Variants in CNTN4 observed in about 807,000 individuals in gnomAD.
CNTN4 encodes the protein contactin 4.
A neutral mutation model predicts 122.5 loss-of-function variants in CNTN4; 77 were observed. The observed-to-expected ratio is 0.63, with a 90% confidence interval of 0.52 to 0.76. CNTN4 has a LOEUF of 0.76. CNTN4 is among the 30% of genes least tolerant of loss of function. The probability of loss-of-function intolerance (pLI) is 0.00; values close to 1 mark genes in which losing one functional copy is unlikely to be tolerated. For missense variants in CNTN4, 1,256 were observed against 1,259.1 expected (o/e 1.00, Z 0.04); for synonymous variants, 512 against 447.0 (o/e 1.15, Z -1.83).
intron 4 of CNTN4, among the ~76,000 whole-genome samples, chr3:2,717,938 G>C (rs10084764): frequency 1.3e-5 from 2 of 151,852 alleles, no homozygotes; most frequent in Non-Finnish European, 2.9e-5. Context: ...CTTTTCATGT[G>C]TTTATTGACC....
chr3:2,276,180 TA>T (rs111941098), intron 2 of CNTN4, among the ~76,000 whole-genome samples: 4,361 of 152,074 alleles, frequency 0.029, 207 homozygotes, highest in African/African-American at 0.099. Flanking sequence ...TTATTTTTAT[TA>T]TTTTTTTTTG....
intron 3 of CNTN4, among the ~76,000 whole-genome samples, chr3:2,478,455 G>C (rs2075892805): frequency 6.9e-6 from 1 of 145,124 alleles, no homozygotes; most frequent in Non-Finnish European, 1.5e-5. Context: ...AGAGGTACAT[G>C]TGTGGGATGT....
chr3:2,290,379 A>G lies in CNTN4; in HGVS notation c.-144-48799A>G, dbSNP rs184144341. ...AATAACACTGCACTAATTGTGTTTT[A>G]TGGAATTGACATTGGAACATTCATA... On this transcript the variant is annotated intron_variant, in intron 2 of 24. Coordinates refer to ENST00000418658, the MANE Select transcript of CNTN4 (RefSeq NM_175607.3). 3.3e-5 allele frequency among the ~76,000 whole-genome samples: 5 copies of G among 152,274 alleles called. No homozygotes were observed. The East Asian group carries it at 9.7e-4, about 29-fold the overall frequency.
chr3:2,932,141 G>A (rs1047397718), intron 13 of CNTN4, among the ~76,000 whole-genome samples: 5 of 152,238 alleles, frequency 3.3e-5, no homozygotes, highest in Admixed American at 1.3e-4. Flanking sequence ...ACTTTGGGAC[G>A]TCGAGGCAGG....
At chr3:2,730,825 C>T (rs368149600) in intron 4 of CNTN4, among the ~76,000 whole-genome samples, 7 of 152,194 alleles carry the variant, frequency 4.6e-5, no homozygotes, top group African/African-American at 1.4e-4. Context: ...TTCAGATTCT[C>T]TTGCCCAGCC....
chr3:2,835,811 G>A lies in CNTN4; in HGVS notation c.454+16230G>A, dbSNP rs1480984942. Among the ~76,000 whole-genome samples, 6 of 152,090 alleles carry A rather than the reference G, an allele frequency of 3.9e-5. No homozygotes were observed. In the South Asian group the frequency reaches 1.0e-3, roughly 26 times the overall value. On this transcript the variant is annotated intron_variant, in intron 7 of 24. Coordinates refer to ENST00000418658, the MANE Select transcript of CNTN4 (RefSeq NM_175607.3). ...TTAAATTTGTTGTATAAGGAATCCT[G>A]GAAATCAAAATCAGTACCTTAAGTA... is the stretch of plus-strand genomic sequence containing the variant.
At chr3:2,681,712 AAT>A (rs140336657) in intron 4 of CNTN4, among the ~76,000 whole-genome samples, 39 of 150,976 alleles carry the variant, frequency 2.6e-4, no homozygotes, top group East Asian at 9.7e-4. Flanking sequence ...TTCATGTATA[AAT>A]ATATATATAT....
At chr3:2,776,871 T>G (rs1480358205) in intron 6 of CNTN4, among the ~76,000 whole-genome samples, 2 of 152,190 alleles carry the variant, frequency 1.3e-5, no homozygotes, top group Non-Finnish European at 2.9e-5. Context: ...CTTATGTATC[T>G]TAGGTATACG....
intron 4 of CNTN4, among the ~76,000 whole-genome samples, chr3:2,671,087 C>T (rs1247025343): frequency 1.5e-4 from 23 of 152,082 alleles, no homozygotes; most frequent in Admixed American, 3.9e-4. Flanking sequence ...TTGCTCTTCT[C>T]GAGGAGTATC....
At chr3:2,433,476 T>C (rs956785488) in intron 3 of CNTN4, among the ~76,000 whole-genome samples, 32 of 142,122 alleles carry the variant, frequency 2.3e-4, no homozygotes, top group Non-Finnish European at 1.2e-4. Context: ...TTTTATTAGG[T>C]TATTTGTGGG....
chr3:2,214,041 CA>C (rs1023755041), intron 2 of CNTN4, among the ~76,000 whole-genome samples: 21 of 152,236 alleles, frequency 1.4e-4, no homozygotes, highest in Admixed American at 1.2e-3. Context: ...ATTCTAATTT[CA>C]TGGTGATAAA....
Position 2,155,435 on chromosome 3 carries a change from T to C in CNTN4, c.-145+54796T>C, listed in dbSNP as rs568721414. On this transcript the variant is annotated intron_variant, in intron 2 of 24. Transcript: ENST00000418658. ...CCCCCAGGAGCAGCTCCTCAGCAGA[T>C]TGGGGATAAGAACAGAGGGCACCTA... 8.5e-5 allele frequency among the ~76,000 whole-genome samples: 13 copies of C among 152,288 alleles called. 1 individual carries two copies. Among genetic ancestry groups the C allele is most frequent in the African/African-American group, 2.6e-4 (11 of 41,564 alleles).
intron 14 of CNTN4, among the ~76,000 whole-genome samples, chr3:2,999,724 G>A (rs1695860014): frequency 6.6e-6 from 1 of 152,126 alleles, no homozygotes; most frequent in South Asian, 2.1e-4. Flanking sequence ...CCTCATTCAT[G>A]ACTCAGTCAC....
rs373247052 is a variant in CNTN4, at chr3:2,789,942, A to G, written c.359-29544A>G. 1.2e-4 allele frequency among the ~76,000 whole-genome samples: 19 copies of G among 152,370 alleles called. 2 individuals carry two copies. The highest frequency in any genetic ancestry group is 8.3e-4 in the South Asian group (4 of 4,832). On this transcript the variant is annotated intron_variant, in intron 6 of 24. Transcript: ENST00000418658. ...CTTATGGTGTTTAGCCATTTAGTAG[A>G]GTATCCAAGGAAGGTAGCTCTTTCT...
At chr3:2,613,895 A>G (rs144673992) in intron 4 of CNTN4, among the ~76,000 whole-genome samples, 1 of 151,916 alleles carries the variant, frequency 6.6e-6, no homozygotes, top group Non-Finnish European at 1.5e-5. Flanking sequence ...CACCAAATCT[A>G]TCCCTACATT....
intron 2 of CNTN4, among the ~76,000 whole-genome samples, chr3:2,242,916 A>C (rs2149623044): frequency 6.6e-6 from 1 of 152,264 alleles, no homozygotes; most frequent in African/African-American, 2.4e-5. Context: ...GATATTCCAA[A>C]GTATGGCAGG....
chr3:2,344,972 C>G (rs2044346560), intron 3 of CNTN4, among the ~76,000 whole-genome samples: 1 of 152,142 alleles, frequency 6.6e-6, no homozygotes, highest in Non-Finnish European at 1.5e-5. Flanking sequence ...CCCCGAGGGA[C>G]TTTTGATGTC....
intron 2 of CNTN4, among the ~76,000 whole-genome samples, chr3:2,297,439 G>C (rs1183641658): frequency 1.3e-5 from 2 of 152,106 alleles, no homozygotes; most frequent in African/African-American, 4.8e-5. Context: ...TTATGTTGTT[G>C]CTTTTGAAAA....
chr3:2,781,170 G>A (rs1490749458), intron 6 of CNTN4, among the ~76,000 whole-genome samples: 2 of 152,152 alleles, frequency 1.3e-5, no homozygotes, highest in Admixed American at 6.5e-5. Context: ...GAATAAAGAT[G>A]CTTTTCATCT....
Sources: gnomAD v4.1 joint callset for allele counts (sites outside exome capture counted in the v4.1 genomes callset) on GRCh38, gnomAD v4.1.1 for gene constraint, MANE v1.5 for transcripts, NCBI Gene and HGNC (gene_info 2026-07-23, HGNC 2026-07-21) for gene names.